The following NXPH1 variants were observed in gnomAD, a reference collection of about 807,000 sequenced individuals.
The protein encoded by NXPH1 is neurexophilin 1.
NXPH1 carries 5 observed loss-of-function variants against 23.7 expected under a neutral mutation model. The observed-to-expected ratio is 0.21, with a 90% CI of 0.11 to 0.44. The LOEUF is 0.44. Among genes scored for constraint, NXPH1 ranks in the 20% least tolerant of loss-of-function variants. NXPH1 has a pLI of 0.99. For synonymous variants in NXPH1, 144 were observed against 122.2 expected, an observed-to-expected ratio of 1.18 and a Z score of -1.18; for missense variants, 324 against 321.6, an observed-to-expected ratio of 1.01 and a Z score of -0.06.
intron 2 of NXPH1, among the ~76,000 whole-genome samples, chr7:8,645,717 T>C (rs1480413360): frequency 6.6e-6 from 1 of 152,106 alleles, no homozygotes; most frequent in Non-Finnish European, 1.5e-5. Flanking sequence ...TAATGTTTTG[T>C]TCCTTATATT....
At chr7:8,579,344 T>C (rs1185504848) in intron 2 of NXPH1, among the ~76,000 whole-genome samples, 1 of 150,562 alleles carries the variant, frequency 6.6e-6, no homozygotes, top group African/African-American at 2.5e-5. Flanking sequence ...CTAAGATTCA[T>C]GGAATTCAAG....
At chr7:8,469,866 T>G (rs1816845853) in intron 2 of NXPH1, among the ~76,000 whole-genome samples, 1 of 152,140 alleles carries the variant, frequency 6.6e-6, no homozygotes, top group Non-Finnish European at 1.5e-5. Flanking sequence ...ACTCTCAGTT[T>G]ACAGATAAGG....
intron 2 of NXPH1, among the ~76,000 whole-genome samples, chr7:8,642,078 T>C (rs1187081738): frequency 6.6e-6 from 1 of 152,210 alleles, no homozygotes; most frequent in Non-Finnish European, 1.5e-5. Context: ...GAATTCCTTT[T>C]ACTTCTGTTC....
chr7:8,607,594 C>T (rs1180563885), intron 2 of NXPH1, among the ~76,000 whole-genome samples: 1 of 152,134 alleles, frequency 6.6e-6, no homozygotes, highest in Non-Finnish European at 1.5e-5. Context: ...TGACTCTTTT[C>T]TTTCTAAAAT....
chr7:8,506,296 T>G (rs1250996774), intron 2 of NXPH1, among the ~76,000 whole-genome samples: 1 of 152,038 alleles, frequency 6.6e-6, no homozygotes, highest in Non-Finnish European at 1.5e-5. Flanking sequence ...AGACCCAAGT[T>G]TGAGTTTTGG....
intron 2 of NXPH1, among the ~76,000 whole-genome samples, chr7:8,518,006 C>T (rs1817715855): frequency 6.6e-6 from 1 of 152,088 alleles, no homozygotes; most frequent in Non-Finnish European, 1.5e-5. Flanking sequence ...AAAAGGTAGA[C>T]AGGAAAAGCA....
chr7:8,504,584 G>GGCC (rs1817490963), intron 2 of NXPH1, among the ~76,000 whole-genome samples: 1 of 152,026 alleles, frequency 6.6e-6, no homozygotes, highest in African/African-American at 2.4e-5. Flanking sequence ...AAGATTAATA[G>GGCC]TAAATGAATG....
chr7:8,717,668 C>T (rs1779898901), intron 2 of NXPH1, among the ~76,000 whole-genome samples: 1 of 152,148 alleles, frequency 6.6e-6, no homozygotes, highest in South Asian at 2.1e-4. Flanking sequence ...ACCAATGAGA[C>T]TTGTGCTCCC....
chr7:8,498,442 T>C (rs1308630304), intron 2 of NXPH1, among the ~76,000 whole-genome samples: 1 of 152,108 alleles, frequency 6.6e-6, no homozygotes, highest in African/African-American at 2.4e-5. Flanking sequence ...CCTCTATTTT[T>C]TCCCCCTACT....
intron 2 of NXPH1, among the ~76,000 whole-genome samples, chr7:8,507,771 A>C (rs994831001): frequency 3.3e-5 from 5 of 152,078 alleles, no homozygotes; most frequent in Admixed American, 1.3e-4. Context: ...TCCCCTCCTC[A>C]CAGGAGAAAA....
intron 2 of NXPH1, among the ~76,000 whole-genome samples, chr7:8,628,370 GTT>G (rs5882180): frequency 3.3e-4 from 44 of 135,274 alleles, no homozygotes; most frequent in South Asian, 8.1e-4. Context: ...ATGCATAGGT[GTT>G]TTTTTTTTTT....
chr7:8,451,990 T>G (rs1403353845), intron 2 of NXPH1, among the ~76,000 whole-genome samples: 1 of 152,194 alleles, frequency 6.6e-6, no homozygotes, highest in Non-Finnish European at 1.5e-5. Flanking sequence ...GGTAAAATTT[T>G]TGAATGAAAA....
intron 2 of NXPH1, among the ~76,000 whole-genome samples, chr7:8,647,097 A>G (rs939863084): frequency 6.6e-6 from 1 of 152,146 alleles, no homozygotes; most frequent in African/African-American, 2.4e-5. Flanking sequence ...GACACACACA[A>G]AGACACGTGT....
Position 8,435,727 on chromosome 7 carries a change from G to A in NXPH1, c.14G>A (p.Cys5Tyr), listed in dbSNP as rs1816182228. 1.2e-6 allele frequency: 2 copies of A among 1,613,996 alleles called. No homozygotes were observed. The highest frequency in any genetic ancestry group is 1.1e-5 in the South Asian group (1 of 91,080). MQAA[C>Y]WYVLFLLQPT... ...AGACGCGGGAGAATGCAGGCTGCGT[G>A]CTGGTACGTGCTTTTCCTCCTGCAG... The change falls in exon 2 of 3, where the codon TGC becomes TAC. Residue 5 changes from cysteine to tyrosine, a missense_variant. Physicochemically the swap from Cys to Tyr is radical, Grantham distance 194 (BLOSUM62 -2). Coordinates refer to ENST00000405863, the MANE Select transcript of NXPH1 (RefSeq NM_152745.3). This position sits in a 1 kb window ranked among gnomAD's most constrained non-coding sequence, Gnocchi z 5.9.
intron 2 of NXPH1, among the ~76,000 whole-genome samples, chr7:8,633,302 C>T (rs1001967344): frequency 3.3e-5 from 5 of 152,160 alleles, no homozygotes; most frequent in African/African-American, 1.2e-4. Flanking sequence ...GTGGCATGCG[C>T]CTGTAATCCC....
intron 2 of NXPH1, among the ~76,000 whole-genome samples, chr7:8,493,365 C>G (rs545066728): frequency 2.8e-4 from 42 of 152,096 alleles, no homozygotes; most frequent in African/African-American, 9.1e-4. Flanking sequence ...CTCAGTACTT[C>G]GCTGGCATAG....
intron 2 of NXPH1, among the ~76,000 whole-genome samples, chr7:8,580,431 C>G (rs1818843204): frequency 6.6e-6 from 1 of 152,072 alleles, no homozygotes; most frequent in Non-Finnish European, 1.5e-5. Flanking sequence ...AATTACTAAC[C>G]AGAGACTGCT....
intron 2 of NXPH1, among the ~76,000 whole-genome samples, chr7:8,721,070 G>A (rs148374897): frequency 6.6e-6 from 1 of 152,176 alleles, no homozygotes; most frequent in African/African-American, 2.4e-5. Flanking sequence ...AATGGCAATA[G>A]GTTAAATTAT....
At chr7:8,636,003 A>C (rs1820213260) in intron 2 of NXPH1, among the ~76,000 whole-genome samples, 1 of 152,226 alleles carries the variant, frequency 6.6e-6, no homozygotes, top group Non-Finnish European at 1.5e-5. Context: ...ACTGAAGGTC[A>C]CTTTATCTAT....
Sources: allele counts gnomAD v4.1 joint callset (sites outside exome capture counted in the v4.1 genomes callset), GRCh38; gene constraint gnomAD v4.1.1; non-coding constraint Gnocchi (gnomAD v3.1); transcripts MANE v1.5; gene names NCBI Gene and HGNC (gene_info 2026-07-23, HGNC 2026-07-21).